The following ANXA4 variants were observed in gnomAD, a reference collection of about 807,000 sequenced individuals.
ANXA4 encodes 35-beta calcimedin.
A neutral mutation model predicts 49.8 loss-of-function variants in ANXA4; 39 were observed. That is an observed-to-expected ratio of 0.78 (90% CI 0.61 to 1.02). The LOEUF (loss-of-function observed/expected upper bound fraction) is 1.02, where lower values mean the gene tolerates loss of function less well. ANXA4 is among the 50% of genes least tolerant of loss of function. ANXA4 has a pLI of 0.00. For synonymous variants in ANXA4, 134 were observed against 152.5 expected (o/e 0.88, Z 0.89); for missense variants, 360 against 410.1 (o/e 0.88, Z 1.05).
intron 2 of ANXA4, among the ~76,000 whole-genome samples, chr2:69,656,497 A>G (rs1441865470): frequency 1.4e-5 from 2 of 147,990 alleles, no homozygotes; most frequent in Admixed American, 6.8e-5. Context: ...CCAGTTCATT[A>G]GAAACTTCAG....
At chr2:69,798,751 C>T (rs1215456710) in intron 3 of ANXA4, among the ~76,000 whole-genome samples, 1 of 152,164 alleles carries the variant, frequency 6.6e-6, no homozygotes, top group East Asian at 1.9e-4. Context: ...GGACAAGAAG[C>T]CTCGGAAGTG....
intron 1 of ANXA4, chr2:69,652,964 T>G (rs1199500144): frequency 6.6e-6 from 1 of 152,230 alleles, no homozygotes; most frequent in Non-Finnish European, 1.5e-5. Context: ...CTAACCTTAG[T>G]GAGACATGTA....
chr2:69,771,843 T>G (rs1282302399), intron 1 of ANXA4, among the ~76,000 whole-genome samples: 3 of 152,254 alleles, frequency 2.0e-5, no homozygotes, highest in Non-Finnish European at 4.4e-5. Flanking sequence ...CATGAATTTA[T>G]GTAATCTTAG....
In ANXA4 at chr2:69,650,684, C is replaced by A. The variant is rs181557961; in HGVS notation, n.482-2314C>A. On this transcript the variant is annotated intron_variant and non_coding_transcript_variant, in intron 1 of 3. Coordinates refer to the ANXA4 transcript ENST00000418066. The stretch of plus-strand genomic sequence containing the variant: ...GCCTAGTCTGATCTTGAACTCCTGG[C>A]CTCAAGCAATCCTCCTCCCTCGGCC... 1.4e-4 allele frequency among the ~76,000 whole-genome samples: 22 copies of A among 152,268 alleles called. No homozygotes were observed. In the East Asian group the frequency reaches 4.1e-3, roughly 28 times the overall value.
chr2:69,815,237 G>C (rs570690475), intron 8 of ANXA4: 26 of 152,366 alleles, frequency 1.7e-4, no homozygotes, highest in Admixed American at 1.4e-3. Context: ...TGAGATTCAA[G>C]TTTCAGAAGT....
chr2:69,707,298 A>G (rs1678529563), intron 2 of ANXA4, among the ~76,000 whole-genome samples: 1 of 152,162 alleles, frequency 6.6e-6, no homozygotes, highest in African/African-American at 2.4e-5. Context: ...GGTTTATCCA[A>G]TCTTTCTACT....
rs1488823511 is a variant in ANXA4 at position 69,826,492 on chromosome 2, T to C, written c.*977T>C. The C allele has an allele frequency of 1.3e-5, 2 of 152,332 alleles. No individual in the cohort carries two copies. The highest frequency in any genetic ancestry group is 2.1e-4 in the South Asian group (1 of 4,826). 9.4% of individuals were successfully genotyped at this position (152,332 alleles called of 1,614,324 possible). On this transcript the variant is annotated 3_prime_UTR_variant, in exon 13 of 13. Coordinates refer to ENST00000394295, the MANE Select transcript of ANXA4 (RefSeq NM_001153.5). ...TGGAAAAATAATTTTAATTTAAAAA[T>C]GGTGTTTTTAGGCCGGGGGCGGGGG...
intron 1 of ANXA4, among the ~76,000 whole-genome samples, chr2:69,752,202 G>T (rs538819639): frequency 4.6e-5 from 7 of 152,288 alleles, no homozygotes; most frequent in African/African-American, 9.6e-5. Context: ...AGTCCCAGAG[G>T]TGGAGATGGA....
Position 69,826,425 on chromosome 2 carries a change from G to A in ANXA4, c.*910G>A, listed in dbSNP as rs1573330622. On this transcript the variant is annotated 3_prime_UTR_variant, in exon 13 of 13. Transcript: ENST00000394295. ...CTTTCAACTCCAGAAACATTCTGAA[G>A]ATGTACTTGGATTTAATTAAAAAGT... is the stretch of plus-strand genomic sequence containing the variant. The A allele has an allele frequency of 2.6e-5, 4 of 152,688 alleles. No individual in the cohort carries two copies. Among genetic ancestry groups the A allele is most frequent in the East Asian group, 3.9e-4 (2 of 5,190 alleles). 9.5% of individuals were successfully genotyped at this position (152,688 alleles called of 1,614,324 possible). A position where few individuals can be genotyped will look rare whatever the true frequency, so the allele number is the denominator to read the frequency against.
chr2:69,782,692 C>T (rs1029901680), intron 2 of ANXA4, among the ~76,000 whole-genome samples: 1 of 151,990 alleles, frequency 6.6e-6, no homozygotes, highest in Admixed American at 6.6e-5. Context: ...CTTATGGTGC[C>T]CCTACTTTGT....
intron 1 of ANXA4, among the ~76,000 whole-genome samples, chr2:69,746,313 G>A (rs1489313556): frequency 1.3e-5 from 2 of 152,238 alleles, no homozygotes; most frequent in East Asian, 3.9e-4. Context: ...CCCGGCCAAG[G>A]ATAGTTCTTT....
intron 2 of ANXA4, among the ~76,000 whole-genome samples, chr2:69,784,094 C>T (rs1426530574): frequency 1.3e-5 from 2 of 152,038 alleles, no homozygotes; most frequent in Non-Finnish European, 2.9e-5. Context: ...TTTGTCATTC[C>T]TTCCTATATC....
At chr2:69,682,248 C>G (rs1677625303) in intron 2 of ANXA4, among the ~76,000 whole-genome samples, 1 of 152,064 alleles carries the variant, frequency 6.6e-6, no homozygotes, top group Admixed American at 6.6e-5. Flanking sequence ...ATAAACTCCC[C>G]TCTTAGCACT....
At position 69,804,631 on chromosome 2, in the gene ANXA4, G is replaced by A. The variant is rs1370438104; in HGVS notation, c.192+4G>A. The A allele has an allele frequency of 6.2e-7, 1 of 1,610,026 alleles. No individual in the cohort carries two copies. ...CTACAAGAGCACCATCGGCAGGGTA[G>A]GCCACAGTCTTTCCTGCTCTGTCTG... is the stretch of plus-strand genomic sequence containing the variant. On this transcript the variant is annotated splice_donor_region_variant and intron_variant, in intron 4 of 12. Transcript: ENST00000394295.
intron 4 of ANXA4, 96 bp from the exon 5 acceptor site, chr2:69,806,289 G>A (rs1673438170): frequency 1.3e-6 from 1 of 796,290 alleles, no homozygotes; most frequent in African/African-American, 1.7e-5. Flanking sequence ...CCCTTGAAAG[G>A]GTCTTGGAGA....
intron 10 of ANXA4, 109 bp downstream of exon 10, chr2:69,818,803 C>A: frequency 3.0e-6 from 2 of 673,406 alleles, no homozygotes; most frequent in Admixed American, 3.0e-5. Flanking sequence ...AGTTGTTTAT[C>A]ATGAATCACT....
At chr2:69,652,657 G>A (rs768051798) in intron 1 of ANXA4, among the ~76,000 whole-genome samples, 3 of 152,050 alleles carry the variant, frequency 2.0e-5, no homozygotes, top group Non-Finnish European at 4.4e-5. Flanking sequence ...TCAGGCTTTC[G>A]AGACCAGTCT....
chr2:69,766,830 C>T (rs1033404180), intron 1 of ANXA4, among the ~76,000 whole-genome samples: 2 of 152,124 alleles, frequency 1.3e-5, no homozygotes, highest in East Asian at 1.9e-4. Context: ...TGTAGATAGG[C>T]CTGTTTCCTA....
chr2:69,824,060 T>C (rs1443739599), intron 12 of ANXA4, among the ~76,000 whole-genome samples: 1 of 151,892 alleles, frequency 6.6e-6, no homozygotes, highest in South Asian at 2.1e-4. Flanking sequence ...GCCTGGGTGA[T>C]AGAGCAAGAC....
Sources: allele counts gnomAD v4.1 joint callset (sites outside exome capture counted in the v4.1 genomes callset), GRCh38; gene constraint gnomAD v4.1.1; transcripts MANE v1.5; gene names NCBI Gene and HGNC (gene_info 2026-07-23, HGNC 2026-07-21).